Variants in DNM3 observed in about 807,000 individuals in gnomAD.
DNM3 encodes dynamin-3.
Under a neutral mutation model 101.6 loss-of-function variants are expected in DNM3, and 47 were observed. The ratio of observed to expected loss-of-function variants is 0.46; its 90% CI spans 0.37 to 0.59. The LOEUF (loss-of-function observed/expected upper bound fraction) is 0.59. Ranked by LOEUF, DNM3 falls within the 20% of genes least tolerant of loss-of-function variation. The pLI, the probability that DNM3 is intolerant of heterozygous loss-of-function variation, is 0.00. For synonymous variants in DNM3, 385 were observed against 387.9 expected, an observed-to-expected ratio of 0.99 and a Z score of 0.09; for missense variants, 849 against 1,085.7, an observed-to-expected ratio of 0.78 and a Z score of 3.06.
chr1:172,000,405 G>A (rs1020617764), intron 4 of DNM3, among the ~76,000 whole-genome samples: 2 of 152,070 alleles, frequency 1.3e-5, no homozygotes, highest in Admixed American at 6.6e-5. Context: ...CAAAGACAGA[G>A]CACCCATATT....
intron 2 of DNM3, among the ~76,000 whole-genome samples, chr1:171,952,123 A>G (rs1470468634): frequency 6.6e-6 from 1 of 152,214 alleles, no homozygotes; most frequent in Non-Finnish European, 1.5e-5. Flanking sequence ...TGAAGCCTCC[A>G]GGTAACAGCC....
intron 6 of DNM3, among the ~76,000 whole-genome samples, chr1:172,037,555 A>G (rs772908341): frequency 6.6e-5 from 10 of 152,124 alleles, no homozygotes; most frequent in Admixed American, 1.3e-4. Flanking sequence ...ACTTTTCTTT[A>G]ACTGCATTGT....
rs116634987 is a variant in DNM3, at chr1:172,152,796, C to T, written c.1659+21508C>T. Among the ~76,000 whole-genome samples, 1,027 of 152,130 alleles carry T rather than the reference C, an allele frequency of 6.8e-3. 15 individuals are homozygous for T. The highest frequency in any genetic ancestry group is 0.024 in the African/African-American group (976 of 41,496). ...AGTGAGTTTTTTGTGTATGTGCATG[C>T]GGACAGAAACTGTTTAGAAGGGCCA... On this transcript the variant is annotated intron_variant, in intron 14 of 20. Coordinates refer to ENST00000627582, the MANE Select transcript of DNM3 (RefSeq NM_015569.5).
At chr1:172,246,635 G>A (rs1024710914) in intron 14 of DNM3, among the ~76,000 whole-genome samples, 14 of 152,142 alleles carry the variant, frequency 9.2e-5, no homozygotes, top group Admixed American at 8.5e-4. Context: ...AAAATGCATG[G>A]ACTTTCCTGG....
chr1:172,110,208 GTTC>G (rs2055362659), intron 13 of DNM3, among the ~76,000 whole-genome samples: 1 of 152,074 alleles, frequency 6.6e-6, no homozygotes, highest in South Asian at 2.1e-4. Context: ...CTCTTTCTCT[GTTC>G]TTCTTTTCCA....
intron 14 of DNM3, among the ~76,000 whole-genome samples, chr1:172,193,414 G>T (rs1459727741): frequency 6.6e-6 from 1 of 152,064 alleles, no homozygotes; most frequent in African/African-American, 2.4e-5. Context: ...TCTATTGATT[G>T]GAATAGTTTC....
At chr1:172,173,873 G>A (rs2059057218) in intron 14 of DNM3, among the ~76,000 whole-genome samples, 1 of 151,532 alleles carries the variant, frequency 6.6e-6, no homozygotes, top group African/African-American at 2.4e-5. Context: ...GGAGATCTCT[G>A]CAGCTTAAGT....
chr1:172,226,731 T>C (rs541648778), intron 14 of DNM3, among the ~76,000 whole-genome samples: 11 of 152,274 alleles, frequency 7.2e-5, no homozygotes, highest in Admixed American at 6.5e-4. Flanking sequence ...GTGTCATAAT[T>C]TTTTAGCTAG....
Position 172,379,089 on chromosome 1 carries a change from C to T in DNM3, c.1965C>T (p.Thr655=). 1 of 1,612,304 alleles carries T rather than the reference C, an allele frequency of 6.2e-7. No homozygotes were observed. The part of the protein sequence containing the change: ...MDPQLERQVE[T]IRNLVDSYMS... Reference sequence around the variant, plus strand: ...CACAATTGGAGAGGCAAGTGGAGACCATTCGCAACCTCGTAGACTCCTACA... The same window carrying T: ...CACAATTGGAGAGGCAAGTGGAGACTATTCGCAACCTCGTAGACTCCTACA... Residue 655 remains threonine (T), a synonymous_variant, in exon 18 of 21, where the codon ACC becomes ACT. Transcript: ENST00000627582.
intron 13 of DNM3, among the ~76,000 whole-genome samples, chr1:172,126,476 A>C (rs2056624443): frequency 6.6e-6 from 1 of 152,194 alleles, no homozygotes; most frequent in African/African-American, 2.4e-5. Flanking sequence ...TTATTAGTAA[A>C]ATTTTTAAAT....
intron 18 of DNM3, 170 bp from the exon 19 acceptor site, chr1:172,386,963 G>A (rs139420029): frequency 3.4e-6 from 2 of 587,524 alleles, no homozygotes; most frequent in African/African-American, 3.7e-5. Flanking sequence ...CAGTACTGGG[G>A]ATAGAGACAA....
At chr1:171,872,978 A>G (rs529692532) in intron 1 of DNM3, among the ~76,000 whole-genome samples, 2 of 152,228 alleles carry the variant, frequency 1.3e-5, no homozygotes, top group Non-Finnish European at 2.9e-5. Flanking sequence ...AAGGAGGAGC[A>G]GAATCATCCC....
chr1:172,108,138 G>T (rs1000961336), intron 13 of DNM3, among the ~76,000 whole-genome samples: 1 of 152,014 alleles, frequency 6.6e-6, no homozygotes, highest in Non-Finnish European at 1.5e-5. Flanking sequence ...TTTGTAATTG[G>T]ATAATCCTAT....
intron 10 of DNM3, among the ~76,000 whole-genome samples, chr1:172,066,051 T>C (rs2051632128): frequency 6.6e-6 from 1 of 152,186 alleles, no homozygotes; most frequent in African/African-American, 2.4e-5. Flanking sequence ...CAGGTGACCA[T>C]ACAGAAGCCC....
intron 14 of DNM3, among the ~76,000 whole-genome samples, chr1:172,175,341 A>G (rs2059118555): frequency 6.6e-6 from 1 of 151,800 alleles, no homozygotes; most frequent in Admixed American, 6.6e-5. Flanking sequence ...TTACAAGTAA[A>G]CTGATATAGC....
At chr1:172,164,252 C>A (rs1408779938) in intron 14 of DNM3, among the ~76,000 whole-genome samples, 14 of 97,886 alleles carry the variant, frequency 1.4e-4, no homozygotes, top group Admixed American at 2.1e-4. Flanking sequence ...TTTTTTGAGG[C>A]CTTACTATGA....
chr1:172,285,815 T>C (rs1264885908), intron 15 of DNM3, among the ~76,000 whole-genome samples: 2 of 152,086 alleles, frequency 1.3e-5, no homozygotes, highest in African/African-American at 4.8e-5. Flanking sequence ...TCCACCCTTT[T>C]CTGTTTCACA....
At chr1:171,987,630 G>A in intron 2 of DNM3, 26 bp from the exon 3 acceptor site, 4 of 1,539,860 alleles carry the variant, frequency 2.6e-6, no homozygotes, top group Non-Finnish European at 2.6e-6. Flanking sequence ...AATTTAAGTT[G>A]TGTCATTTTG....
chr1:172,116,149 T>G (rs919452009), intron 13 of DNM3, among the ~76,000 whole-genome samples: 4 of 152,212 alleles, frequency 2.6e-5, no homozygotes, highest in African/African-American at 9.6e-5. Context: ...AGTTCTTTCT[T>G]GTTGGATTGT....
Sources: allele counts gnomAD v4.1 joint callset (sites outside exome capture counted in the v4.1 genomes callset), GRCh38; gene constraint gnomAD v4.1.1; transcripts MANE v1.5; gene names NCBI Gene and HGNC (gene_info 2026-07-23, HGNC 2026-07-21).